ASPH: variants seen among roughly 807,000 people sequenced by gnomAD.
The protein encoded by ASPH is aspartyl/asparaginyl beta-hydroxylase.
Under a neutral mutation model 118.4 loss-of-function variants are expected in ASPH, and 100 were observed. The ratio of observed to expected loss-of-function variants is 0.84; its 90% CI spans 0.72 to 1.00. ASPH has a LOEUF of 1.00. ASPH is among the 50% of genes least tolerant of loss of function. ASPH has a pLI of 0.00. For missense variants in ASPH, 920 were observed against 919.5 expected (o/e 1.00, Z -0.01); for synonymous variants, 315 against 325.6 (o/e 0.97, Z 0.35).
At chr8:61,651,186 A>C in intron 4 of ASPH, 62 bp from the exon 5 acceptor site, 1 of 1,370,094 alleles carries the variant, frequency 7.3e-7, no homozygotes, top group Non-Finnish European at 1.0e-6. Flanking sequence ...GACCCCTAAC[A>C]CTCAAATATG....
intron 19 of ASPH, among the ~76,000 whole-genome samples, chr8:61,553,460 C>T (rs1391572203): frequency 6.6e-6 from 1 of 152,180 alleles, no homozygotes; most frequent in East Asian, 1.9e-4. Flanking sequence ...TTATTTTGCT[C>T]TCCAAATCTG....
At chr8:61,535,448 T>C (rs1298046183) in intron 21 of ASPH, among the ~76,000 whole-genome samples, 1 of 152,196 alleles carries the variant, frequency 6.6e-6, no homozygotes, top group Non-Finnish European at 1.5e-5. Context: ...TGTTTGTGAC[T>C]AGCTGTTAAG....
intron 3 of ASPH, among the ~76,000 whole-genome samples, chr8:61,670,697 G>C (rs751086912): frequency 6.6e-6 from 1 of 151,894 alleles, no homozygotes; most frequent in African/African-American, 2.4e-5. Context: ...AGGTGATGAG[G>C]TCAGGAGGAT....
rs749016732 is a variant in ASPH, at chr8:61,618,974, T to C, written c.976+4A>G. 1.9e-6 allele frequency: 3 copies of C among 1,601,258 alleles called. 1 individual carries two copies. The African/African-American group carries it at 4.0e-5, about 21-fold the overall frequency. On this transcript the variant is annotated splice_donor_region_variant and intron_variant, in intron 14 of 24. Transcript: ENST00000379454. Reference sequence around the variant, plus strand: ...TTTAAAGGCTGTTTATTTGACAATCTCACCTTTTGCTTTTTGTTCTGGATC... The same window carrying C: ...TTTAAAGGCTGTTTATTTGACAATCCCACCTTTTGCTTTTTGTTCTGGATC...
At chr8:61,682,501 C>T (rs1828596726) in intron 2 of ASPH, 1 of 1,609,190 alleles carries the variant, frequency 6.2e-7, no homozygotes. Flanking sequence ...CATGTAAAAA[C>T]ATGAAAACTG....
chr8:61,558,179 C>T (rs36078928), intron 18 of ASPH, among the ~76,000 whole-genome samples: 71,467 of 151,886 alleles, frequency 0.47, 20,229 homozygotes, highest in Non-Finnish European at 0.64. Context: ...TAGATAGGCA[C>T]GAAGCATGCA....
At chr8:61,543,664 T>C (rs996472186) in intron 21 of ASPH, among the ~76,000 whole-genome samples, 5 of 152,234 alleles carry the variant, frequency 3.3e-5, no homozygotes, top group African/African-American at 9.6e-5. Context: ...TCTGTGCATG[T>C]ATATACTTTC....
In ASPH at chr8:61,576,834, C is replaced by A. The variant is rs755000935; in HGVS notation, c.1087G>T (p.Ala363Ser). Residue 363 changes from alanine to serine, a missense_variant, in exon 16 of 25, where the codon GCA becomes TCA. Transcript: ENST00000379454. ...TATTTGCGTACTAGTTCTTTAAATG[C>A]ATTCACTGCTTCCTCAATTTTTCCC... ...KRGKIEEAVN[A>S]FKELVRKYPQ... 1.2e-6 allele frequency: 2 copies of A among 1,607,894 alleles called. No homozygotes were observed. The highest frequency in any genetic ancestry group is 2.7e-5 in the African/African-American group (2 of 74,852).
chr8:61,704,749 T>C (rs530925547), intron 1 of ASPH, among the ~76,000 whole-genome samples: 4 of 152,128 alleles, frequency 2.6e-5, no homozygotes, highest in East Asian at 3.9e-4. Context: ...CATCAGGGAA[T>C]TGCAAATGTA....
At chr8:61,503,998 G>C (rs1805478418) in intron 24 of ASPH, among the ~76,000 whole-genome samples, 2 of 152,160 alleles carry the variant, frequency 1.3e-5, no homozygotes, top group Admixed American at 6.5e-5. Context: ...GAGTTTCCTA[G>C]CTAGTATTCC....
chr8:61,542,466 C>T (rs1563755118), intron 21 of ASPH, among the ~76,000 whole-genome samples: 2 of 152,146 alleles, frequency 1.3e-5, no homozygotes, highest in South Asian at 4.1e-4. Flanking sequence ...TTATTGCTAA[C>T]ATAATTTCAA....
chr8:61,620,719 G>T (rs960655529), intron 13 of ASPH, among the ~76,000 whole-genome samples: 2 of 152,176 alleles, frequency 1.3e-5, no homozygotes, highest in Admixed American at 1.3e-4. Flanking sequence ...CTTCCTAGTG[G>T]GATCAGCAGT....
intron 22 of ASPH, among the ~76,000 whole-genome samples, chr8:61,520,650 A>T (rs1348862121): frequency 6.6e-6 from 1 of 152,224 alleles, no homozygotes. Flanking sequence ...GAGTCACCGT[A>T]AAGTGTTTTT....
intron 14 of ASPH, among the ~76,000 whole-genome samples, chr8:61,603,382 A>T (rs146926852): frequency 1.3e-5 from 2 of 152,164 alleles, no homozygotes; most frequent in Non-Finnish European, 2.9e-5. Context: ...GTGTGAAACA[A>T]ATCAGAACTT....
chr8:61,643,143 A>G (rs991340524), intron 9 of ASPH, among the ~76,000 whole-genome samples: 1 of 152,232 alleles, frequency 6.6e-6, no homozygotes, highest in Non-Finnish European at 1.5e-5. Context: ...GGAATTTGAT[A>G]CACAAAAACA....
chr8:61,694,482 C>T (rs183533935), intron 1 of ASPH, among the ~76,000 whole-genome samples: 1 of 152,296 alleles, frequency 6.6e-6, no homozygotes, highest in African/African-American at 2.4e-5. Context: ...AATGTCACAT[C>T]AATGATTTCC....
intron 1 of ASPH, among the ~76,000 whole-genome samples, chr8:61,698,941 A>C (rs1176418901): frequency 3.3e-5 from 5 of 152,234 alleles, no homozygotes. Context: ...ACCCAAAGAG[A>C]AGTCTGGTCT....
rs35550451 is a variant in ASPH, at chr8:61,619,111, T to C, written c.935-92A>G. On this transcript the variant is annotated intron_variant, in intron 13 of 24. Transcript: ENST00000379454. The stretch of plus-strand genomic sequence containing the variant: ...ACAATATTTAAATGAATTCAATAAG[T>C]ATAATCAAAGAAAAATATATCTGAG... The C allele has an allele frequency of 0.49, 421,269 of 857,124 alleles. 105,660 individuals carry two copies. The highest frequency in any genetic ancestry group is 0.52 in the Middle Eastern group (2,023 of 3,910). 53.1% of individuals were successfully genotyped at this position (857,124 alleles called of 1,614,324 possible).
chr8:61,663,807 T>A, intron 3 of ASPH: 2 of 981,540 alleles, frequency 2.0e-6, no homozygotes, highest in Non-Finnish European at 2.4e-6. Context: ...TGAGTTGAAG[T>A]TTCTGTCAAC....
Sources: gnomAD v4.1 joint callset for allele counts (sites outside exome capture counted in the v4.1 genomes callset) on GRCh38, gnomAD v4.1.1 for gene constraint, MANE v1.5 for transcripts, NCBI Gene and HGNC (gene_info 2026-07-23, HGNC 2026-07-21) for gene names.